The following PALLD variants were observed in gnomAD, a reference collection of about 807,000 sequenced individuals.
PALLD encodes the protein palladin.
Under a neutral mutation model 123.5 loss-of-function variants are expected in PALLD, and 61 were observed. The observed-to-expected ratio is 0.49, with a 90% CI of 0.40 to 0.61. The LOEUF (loss-of-function observed/expected upper bound fraction) is 0.61, where lower values mean the gene tolerates loss of function less well. PALLD is among the 20% of genes least tolerant of loss of function. The pLI, the probability that PALLD is intolerant of heterozygous loss-of-function variation, is 0.00. For missense variants in PALLD, 1,273 were observed against 1,377.0 expected, an observed-to-expected ratio of 0.92 and a Z score of 1.20; for synonymous variants, 465 against 496.4, an observed-to-expected ratio of 0.94 and a Z score of 0.84.
chr4:168,808,531 T>C (rs767957625), intron 10 of PALLD, among the ~76,000 whole-genome samples: 2 of 152,154 alleles, frequency 1.3e-5, no homozygotes, highest in Non-Finnish European at 2.9e-5. Context: ...ATTGAGTAGA[T>C]ACATAAGAGG....
intron 2 of PALLD, among the ~76,000 whole-genome samples, chr4:168,551,702 A>C (rs1480362181): frequency 6.6e-6 from 1 of 152,160 alleles, no homozygotes; most frequent in Non-Finnish European, 1.5e-5. Context: ...AAAAAAAACA[A>C]AACAGGCAAT....
chr4:168,761,003 C>T (rs1413320338), intron 10 of PALLD, among the ~76,000 whole-genome samples: 1 of 152,040 alleles, frequency 6.6e-6, no homozygotes, highest in East Asian at 1.9e-4. Context: ...TAGAAATGTC[C>T]GATGCATTTT....
intron 2 of PALLD, among the ~76,000 whole-genome samples, chr4:168,548,000 G>C (rs538038026): frequency 6.7e-6 from 1 of 149,564 alleles, no homozygotes; most frequent in Admixed American, 6.6e-5. Flanking sequence ...AGCCGAGAAT[G>C]TGCCACTGCA....
rs78016605 is a variant in PALLD, at chr4:168,813,840, A to T, written c.1965-77082A>T. Among the ~76,000 whole-genome samples, 1,844 of 134,948 alleles carry T rather than the reference A, an allele frequency of 0.014. 75 individuals are homozygous for T. The East Asian group carries it at 0.17, about 13-fold the overall frequency. The allele number at this position is 134,948 out of a possible 152,430, so 88.5% of individuals were successfully genotyped here. ...ACCTCCCTCAAAAAACAAATCATTC[A>T]TGAAGCTTTGGAAAGGCTATTATAA... On this transcript the variant is annotated intron_variant, in intron 10 of 21. Transcript: ENST00000505667.
At chr4:168,895,075 C>A (rs1754818799) in intron 12 of PALLD, among the ~76,000 whole-genome samples, 1 of 152,212 alleles carries the variant, frequency 6.6e-6, no homozygotes, top group South Asian at 2.1e-4. Context: ...GGGGACCAAC[C>A]CCAAGCACAG....
At chr4:168,679,544 AGT>A (rs1781334167) in intron 3 of PALLD, among the ~76,000 whole-genome samples, 1 of 84,296 alleles carries the variant, frequency 1.2e-5, no homozygotes, top group Admixed American at 1.1e-4. Context: ...GTGTGTGGGG[AGT>A]GTGTGGTGGG....
chr4:168,834,509 C>A (rs762338811), intron 10 of PALLD, among the ~76,000 whole-genome samples: 1 of 152,066 alleles, frequency 6.6e-6, no homozygotes, highest in African/African-American at 2.4e-5. Context: ...GAGGCCGAGG[C>A]GGGCAGATCA....
chr4:168,737,053 C>T (rs1054678522), intron 10 of PALLD, among the ~76,000 whole-genome samples: 1 of 152,184 alleles, frequency 6.6e-6, no homozygotes, highest in African/African-American at 2.4e-5. Flanking sequence ...TTGGAATATG[C>T]AAATTGCTGA....
chr4:168,876,841 C>T (rs1007629312), intron 10 of PALLD, among the ~76,000 whole-genome samples: 8 of 152,108 alleles, frequency 5.3e-5, no homozygotes, highest in African/African-American at 1.9e-4. Context: ...AGCTATTGGT[C>T]CCTATGTTTA....
At chr4:168,607,060 T>C (rs1458434218) in intron 2 of PALLD, among the ~76,000 whole-genome samples, 1 of 151,972 alleles carries the variant, frequency 6.6e-6, no homozygotes, top group Non-Finnish European at 1.5e-5. Context: ...GAACCTAAGA[T>C]ACAAAAGGCA....
chr4:168,757,657 G>A (rs1452921889), intron 10 of PALLD, among the ~76,000 whole-genome samples: 1 of 152,246 alleles, frequency 6.6e-6, no homozygotes, highest in African/African-American at 2.4e-5. Context: ...AGTGAGGTAT[G>A]TGACACATCA....
chr4:168,878,045 T>C, intron 10 of PALLD: 1 of 1,486,058 alleles, frequency 6.7e-7, no homozygotes, highest in East Asian at 2.9e-5. Flanking sequence ...CAGCCTCCCG[T>C]CGCCCATGTC....
intron 2 of PALLD, among the ~76,000 whole-genome samples, chr4:168,541,248 G>C (rs1765582571): frequency 6.6e-6 from 1 of 152,098 alleles, no homozygotes; most frequent in South Asian, 2.1e-4. Context: ...TGTTATTCGG[G>C]TTTTTACTTG....
Position 168,821,321 on chromosome 4 carries a change from C to A in PALLD, c.1965-69601C>A, listed in dbSNP as rs1207166632. Reference sequence around the variant, plus strand: ...ACATTAGAAATGGAAATCCTAAGTCCTCTGCAAAACATTATCTGATGAGTT... The same window carrying A: ...ACATTAGAAATGGAAATCCTAAGTCATCTGCAAAACATTATCTGATGAGTT... On this transcript the variant is annotated intron_variant, in intron 10 of 21. Transcript: ENST00000505667. 3.3e-5 allele frequency among the ~76,000 whole-genome samples: 5 copies of A among 152,208 alleles called. No individual in the cohort carries two copies. In the East Asian group the frequency reaches 9.6e-4, roughly 29 times the overall value.
intron 2 of PALLD, among the ~76,000 whole-genome samples, chr4:168,666,684 A>G (rs368728999): frequency 4.6e-5 from 7 of 152,344 alleles, no homozygotes; most frequent in Middle Eastern, 3.4e-3. Flanking sequence ...TCTGAAGTTT[A>G]GAGAATGATG....
chr4:168,868,613 C>T (rs527697507), intron 10 of PALLD, among the ~76,000 whole-genome samples: 2 of 152,200 alleles, frequency 1.3e-5, no homozygotes, highest in Non-Finnish European at 2.9e-5. Flanking sequence ...TGAATACAGA[C>T]ATCAGTGTGA....
chr4:168,553,697 T>C (rs1432913047), intron 2 of PALLD, among the ~76,000 whole-genome samples: 1 of 152,168 alleles, frequency 6.6e-6, no homozygotes, highest in Non-Finnish European at 1.5e-5. Flanking sequence ...TTGTTGTTGT[T>C]GTTGTTGTTG....
At chr4:168,881,038 G>T (rs1752537521) in intron 10 of PALLD, among the ~76,000 whole-genome samples, 1 of 152,042 alleles carries the variant, frequency 6.6e-6, no homozygotes, top group African/African-American at 2.4e-5. Flanking sequence ...CTAAATAGCT[G>T]GGATTACAGG....
At chr4:168,544,873 G>C (rs1246943922) in intron 2 of PALLD, among the ~76,000 whole-genome samples, 1 of 152,254 alleles carries the variant, frequency 6.6e-6, no homozygotes, top group East Asian at 1.9e-4. Context: ...GTCATCCCCA[G>C]GGAAACAACG....
Sources: allele counts gnomAD v4.1 joint callset (sites outside exome capture counted in the v4.1 genomes callset), GRCh38; gene constraint gnomAD v4.1.1; transcripts MANE v1.5; gene names NCBI Gene and HGNC (gene_info 2026-07-23, HGNC 2026-07-21).